PWP1: variants seen among roughly 807,000 people sequenced by gnomAD.
PWP1 encodes periodic tryptophan protein 1 homolog.
In PWP1, 47 loss-of-function variants were observed where a neutral mutation model predicts 69.9. The observed-to-expected ratio is 0.67, with a 90% CI of 0.53 to 0.86. The LOEUF is 0.86. Ranked by LOEUF, PWP1 falls within the 40% of genes least tolerant of loss-of-function variation. The pLI, the probability that PWP1 is intolerant of heterozygous loss-of-function variation, is 0.00. For synonymous variants in PWP1, 222 were observed against 208.2 expected (o/e 1.07, Z -0.57); for missense variants, 551 against 608.8 (o/e 0.91, Z 1.00).
At chr12:107,700,897 T>TC (rs36074047) in intron 8 of PWP1, among the ~76,000 whole-genome samples, 45,827 of 151,824 alleles carry the variant, frequency 0.3, 8,371 homozygotes, top group Middle Eastern at 0.43. Flanking sequence ...AATTTGCATT[T>TC]CCCCCCCTTT....
At chr12:107,711,357 CGGTGCTGAAGAGATTTTGTTTAT>C (rs1174714616) in intron 14 of PWP1, among the ~76,000 whole-genome samples, 2 of 152,182 alleles carry the variant, frequency 1.3e-5, no homozygotes, top group Admixed American at 1.3e-4. Context: ...GAACATGTTA[CGGTGCTGAAGAGATTTTGTTTAT>C]GGCCAGATTT....
At chr12:107,705,209 T>A (rs1402214700) in intron 11 of PWP1, among the ~76,000 whole-genome samples, 5 of 152,108 alleles carry the variant, frequency 3.3e-5, no homozygotes, top group Admixed American at 1.3e-4. Context: ...ACCCTTATTA[T>A]CTAAGGAGGA....
intron 8 of PWP1, among the ~76,000 whole-genome samples, chr12:107,700,942 C>G (rs1889698000): frequency 2.0e-5 from 3 of 152,022 alleles, no homozygotes; most frequent in Admixed American, 1.3e-4. Context: ...GTTGCTAAAG[C>G]TGGTCTCAAA....
intron 3 of PWP1, among the ~76,000 whole-genome samples, chr12:107,689,555 G>A (rs978650868): frequency 9.2e-5 from 14 of 152,176 alleles, no homozygotes; most frequent in Non-Finnish European, 1.9e-4. Flanking sequence ...AGACCAGCCG[G>A]GCCAACATGG....
chr12:107,710,477 C>CTTCG lies in PWP1; in HGVS notation c.1364_1367dup (p.Val457SerfsTer13), dbSNP rs747963675. 1.9e-6 allele frequency: 3 copies of CTTCG among 1,578,630 alleles called. No individual in the cohort carries two copies. The highest frequency in any genetic ancestry group is 2.6e-6 in the Non-Finnish European group (3 of 1,158,010). On this transcript the variant is annotated frameshift_variant, in exon 14 of 15. Coordinates refer to ENST00000412830, the MANE Select transcript of PWP1 (RefSeq NM_007062.3). LOFTEE classifies it high-confidence loss of function. ...TGCCTTTGGAGGTCAAAAAGAAGGGCTTCGGGTCTGGGATATAAGCACAGT... is the reference window on the plus strand; with the variant it reads ...TGCCTTTGGAGGTCAAAAAGAAGGGCTTCGTTCGGGTCTGGGATATAAGCACAGT...
chr12:107,686,969 C>CAAAAAAAAAA (rs61728433), intron 1 of PWP1, among the ~76,000 whole-genome samples: 1 of 106,770 alleles, frequency 9.4e-6, no homozygotes, highest in Non-Finnish European at 1.9e-5. Flanking sequence ...GACTCCGTCT[C>CAAAAAAAAAA]AAAAAAAAAA....
chr12:107,700,150 G>A (rs536125256), intron 8 of PWP1, among the ~76,000 whole-genome samples: 120 of 152,236 alleles, frequency 7.9e-4, no homozygotes, highest in Middle Eastern at 6.8e-3. Flanking sequence ...CAACACATGG[G>A]AATTATGGGA....
chr12:107,706,335 T>C (rs1163058413), intron 11 of PWP1, among the ~76,000 whole-genome samples: 11 of 152,220 alleles, frequency 7.2e-5, no homozygotes, highest in Non-Finnish European at 1.3e-4. Context: ...TTTCTCCTAT[T>C]CTGTAGGTTG....
At chr12:107,695,816 A>C (rs1377347337) in intron 5 of PWP1, among the ~76,000 whole-genome samples, 1 of 152,200 alleles carries the variant, frequency 6.6e-6, no homozygotes, top group Non-Finnish European at 1.5e-5. Context: ...CTAGACCATT[A>C]AAAGATAAAA....
intron 14 of PWP1, among the ~76,000 whole-genome samples, chr12:107,711,128 A>G (rs895387817): frequency 6.6e-6 from 1 of 152,260 alleles, no homozygotes; most frequent in South Asian, 2.1e-4. Context: ...AACTAAAAGT[A>G]TCCCTTATGG....
chr12:107,695,855 T>C (rs1889572553), intron 5 of PWP1, among the ~76,000 whole-genome samples: 1 of 152,124 alleles, frequency 6.6e-6, no homozygotes, highest in Non-Finnish European at 1.5e-5. Context: ...GTTATGAACA[T>C]TATGAACTTA....
chr12:107,693,265 G>A (rs903950199), intron 5 of PWP1, among the ~76,000 whole-genome samples, 169 bp downstream of exon 5: 1 of 152,148 alleles, frequency 6.6e-6, no homozygotes, highest in Non-Finnish European at 1.5e-5. Context: ...TTCTGGGTAT[G>A]TGTAGTCCAG....
At chr12:107,686,020 TG>T in intron 1 of PWP1, 49 bp downstream of exon 1, 6 of 1,594,500 alleles carry the variant, frequency 3.8e-6, no homozygotes, top group Non-Finnish European at 5.2e-6. Flanking sequence ...TTTACGGCAC[TG>T]GGGGTCCGCC....
chr12:107,706,377 G>C (rs1290980714), intron 11 of PWP1, among the ~76,000 whole-genome samples: 2 of 152,122 alleles, frequency 1.3e-5, no homozygotes, highest in Admixed American at 1.3e-4. Context: ...TTCTTTTGCT[G>C]TGCAGAAGCT....
At chr12:107,705,308 T>G (rs771530896) in intron 11 of PWP1, among the ~76,000 whole-genome samples, 9 of 152,064 alleles carry the variant, frequency 5.9e-5, no homozygotes, top group Admixed American at 2.0e-4. Flanking sequence ...GAGCAAAGAT[T>G]AGTTAAATTT....
chr12:107,695,026 C>T (rs910079556), intron 5 of PWP1, among the ~76,000 whole-genome samples: 12 of 150,606 alleles, frequency 8.0e-5, no homozygotes, highest in Middle Eastern at 3.4e-3. Context: ...GAGGCCAAGG[C>T]GGGCGGATCA....
chr12:107,704,364 C>A (rs1889771012), intron 10 of PWP1, among the ~76,000 whole-genome samples: 1 of 152,138 alleles, frequency 6.6e-6, no homozygotes, highest in Non-Finnish European at 1.5e-5. Context: ...GGCTTTTGGA[C>A]ATAGAGAGGA....
chr12:107,687,841 G>A (rs1019864625), intron 1 of PWP1, among the ~76,000 whole-genome samples: 11 of 151,908 alleles, frequency 7.2e-5, no homozygotes, highest in East Asian at 5.8e-4. Flanking sequence ...AGACCAGCCC[G>A]GCCAACATGG....
intron 13 of PWP1, 29 bp downstream of exon 13, chr12:107,709,261 T>C (rs183708100): frequency 2.5e-6 from 4 of 1,606,622 alleles, no homozygotes; most frequent in Admixed American, 1.7e-5. Flanking sequence ...ATCTGTTTTT[T>C]ATTTATTCTG....
Sources: allele counts gnomAD v4.1 joint callset (sites outside exome capture counted in the v4.1 genomes callset), GRCh38; gene constraint gnomAD v4.1.1; transcripts MANE v1.5; gene names NCBI Gene and HGNC (gene_info 2026-07-23, HGNC 2026-07-21).